DNAI4: variants seen among roughly 807,000 people sequenced by gnomAD.
The protein encoded by DNAI4 is WD repeat domain 78.
DNAI4 carries 85 observed loss-of-function variants against 105.8 expected under a neutral mutation model. The ratio of observed to expected loss-of-function variants is 0.80; its 90% CI spans 0.67 to 0.96. DNAI4 has a LOEUF of 0.96. DNAI4 is among the 40% of genes least tolerant of loss of function. The pLI is 0.00. For missense variants in DNAI4, 1,014 were observed against 1,005.6 expected (o/e 1.01, Z -0.11); for synonymous variants, 352 against 331.5 (o/e 1.06, Z -0.67).
At chr1:66,861,066 T>C (rs939110363) in intron 7 of DNAI4, among the ~76,000 whole-genome samples, 3 of 152,016 alleles carry the variant, frequency 2.0e-5, no homozygotes, top group Non-Finnish European at 4.4e-5. Flanking sequence ...GACTAGAAAA[T>C]GAGATTTTAA....
intron 10 of DNAI4, among the ~76,000 whole-genome samples, chr1:66,836,194 AAGAAAGAAAGAAAGAGAGAGAGAGAG>A (rs1645992198): frequency 4.3e-5 from 3 of 70,528 alleles, no homozygotes; most frequent in Admixed American, 1.4e-4. Flanking sequence ...GAAAGAAAGA[AAGAAAGAAAGAAAGAGAGAGAGAGAG>A]AGAGAGAGAG....
intron 13 of DNAI4, among the ~76,000 whole-genome samples, chr1:66,830,684 G>A (rs1557901900): frequency 6.6e-6 from 1 of 151,718 alleles, no homozygotes; most frequent in Non-Finnish European, 1.5e-5. Context: ...AGGAGACTGA[G>A]GTGGGAGAAT....
chr1:66,824,873 C>T (rs533329683), intron 15 of DNAI4, among the ~76,000 whole-genome samples: 28 of 152,278 alleles, frequency 1.8e-4, no homozygotes, highest in African/African-American at 6.5e-4. Flanking sequence ...TAGTTGAAGG[C>T]CTTAAAAGAA....
intron 6 of DNAI4, among the ~76,000 whole-genome samples, chr1:66,870,526 G>A (rs561197127): frequency 1.7e-4 from 26 of 151,034 alleles, no homozygotes; most frequent in South Asian, 2.1e-4. Context: ...TGAGGTGGGC[G>A]GATCGCCTGA....
At chr1:66,852,356 A>G (rs1000373847) in intron 7 of DNAI4, among the ~76,000 whole-genome samples, 11 of 152,032 alleles carry the variant, frequency 7.2e-5, no homozygotes, top group Non-Finnish European at 1.3e-4. Flanking sequence ...ATAGAAAAGG[A>G]AAGAATACTT....
intron 8 of DNAI4, among the ~76,000 whole-genome samples, chr1:66,844,324 G>A (rs1015916300): frequency 2.6e-4 from 39 of 152,098 alleles, no homozygotes; most frequent in African/African-American, 9.4e-4. Flanking sequence ...ACTTTGGGAG[G>A]CTGAGGCGGG....
At chr1:66,836,258 AAGAAAG>A (rs1646009781) in intron 10 of DNAI4, among the ~76,000 whole-genome samples, 1 of 7,380 alleles carries the variant, frequency 1.4e-4, no homozygotes, top group African/African-American at 4.8e-4. Context: ...GAGAGAGAGA[AAGAAAG>A]AAAGAAAGAA....
intron 2 of DNAI4, among the ~76,000 whole-genome samples, chr1:66,895,499 T>G (rs1648246126): frequency 6.6e-6 from 1 of 152,226 alleles, no homozygotes; most frequent in African/African-American, 2.4e-5. Flanking sequence ...AAAAAAAATC[T>G]AATTTTTGAA....
rs949497667 is a variant in DNAI4 at position 66,847,505 on chromosome 1, G to A, written c.1270C>T (p.Arg424Cys). The part of the protein sequence containing the change: ...NIFQPKLAAY[R>C]QLPVLKEPEP... Reference sequence around the variant, plus strand: ...ATACCTTTTAAAACAGGAAGCTGACGATAAGCTGCAAGTTTGGGCTGAAAT... The same window carrying A: ...ATACCTTTTAAAACAGGAAGCTGACAATAAGCTGCAAGTTTGGGCTGAAAT... The change falls in exon 8 of 17, where the codon CGT becomes TGT. Residue 424 changes from arginine to cysteine, a missense_variant. Arg to Cys is a radical substitution (Grantham distance 180, BLOSUM62 -3). Transcript: ENST00000371026. 7.4e-6 allele frequency: 12 copies of A among 1,612,878 alleles called. No individual in the cohort carries two copies. The highest frequency in any genetic ancestry group is 4.0e-5 in the African/African-American group (3 of 74,786).
intron 4 of DNAI4, among the ~76,000 whole-genome samples, chr1:66,889,689 TC>T (rs1483487968): frequency 6.6e-6 from 1 of 152,118 alleles, no homozygotes; most frequent in Non-Finnish European, 1.5e-5. Context: ...CTTATTGCAC[TC>T]CAAATCAAGT....
intron 9 of DNAI4, 78 bp downstream of exon 9, chr1:66,840,391 A>G (rs1034289676): frequency 5.8e-6 from 8 of 1,388,736 alleles, no homozygotes; most frequent in Admixed American, 1.8e-5. Context: ...ATCTAAGGAA[A>G]ACAATTCTTC....
intron 7 of DNAI4, 100 bp downstream of exon 7, chr1:66,862,047 T>A: frequency 1.7e-6 from 2 of 1,144,812 alleles, no homozygotes; most frequent in Non-Finnish European, 2.4e-6. Context: ...GTACTTTTCA[T>A]GGTCCATTAG....
At chr1:66,837,586 A>G in intron 10 of DNAI4, 124 bp downstream of exon 10, 1 of 1,187,112 alleles carries the variant, frequency 8.4e-7, no homozygotes, top group Admixed American at 2.8e-5. Flanking sequence ...AAGTTAAACC[A>G]AAGAAAATAG....
At chr1:66,842,100 T>C (rs1169881444) in intron 8 of DNAI4, among the ~76,000 whole-genome samples, 1 of 152,222 alleles carries the variant, frequency 6.6e-6, no homozygotes, top group East Asian at 1.9e-4. Flanking sequence ...GCCTTTCAAA[T>C]TGGCTTCATT....
chr1:66,823,518 CCCA>C (rs1326203977), intron 15 of DNAI4, among the ~76,000 whole-genome samples: 2 of 147,732 alleles, frequency 1.4e-5, no homozygotes, highest in African/African-American at 5.0e-5. Flanking sequence ...AGTTTACAGT[CCCA>C]CCAACAGTGT....
intron 4 of DNAI4, among the ~76,000 whole-genome samples, chr1:66,888,165 T>C (rs6702554): frequency 0.073 from 11,112 of 152,046 alleles, 645 homozygotes; most frequent in African/African-American, 0.16. Flanking sequence ...CCTGTGTAGG[T>C]AGCAAAATAT....
chr1:66,853,779 A>G (rs1321699484), intron 7 of DNAI4, among the ~76,000 whole-genome samples: 1 of 152,230 alleles, frequency 6.6e-6, no homozygotes. Flanking sequence ...TCATGCAGAA[A>G]GACTGAATTG....
intron 3 of DNAI4, among the ~76,000 whole-genome samples, chr1:66,891,852 A>C (rs974335860): frequency 1.3e-5 from 2 of 152,232 alleles, no homozygotes; most frequent in East Asian, 3.8e-4. Flanking sequence ...TCCAAAATAC[A>C]GTCAACCTAC....
At chr1:66,862,057 G>T in intron 7 of DNAI4, 90 bp downstream of exon 7, 1 of 1,269,432 alleles carries the variant, frequency 7.9e-7, no homozygotes, top group Non-Finnish European at 1.1e-6. Flanking sequence ...TGGTCCATTA[G>T]AAAGAAAACA....
Sources: allele counts gnomAD v4.1 joint callset (sites outside exome capture counted in the v4.1 genomes callset), GRCh38; gene constraint gnomAD v4.1.1; transcripts MANE v1.5; gene names NCBI Gene and HGNC (gene_info 2026-07-23, HGNC 2026-07-21).